The following DIP2C variants were observed in gnomAD, a reference collection of about 807,000 sequenced individuals.
The protein encoded by DIP2C is disco-interacting protein 2 homolog C.
In DIP2C, 33 loss-of-function variants were observed where a neutral mutation model predicts 192.4. That is an observed-to-expected ratio of 0.17 (90% CI 0.13 to 0.23). The LOEUF (loss-of-function observed/expected upper bound fraction) is 0.23, where lower values mean the gene tolerates loss of function less well. DIP2C is among the 10% of genes least tolerant of loss of function. The probability of loss-of-function intolerance (pLI) is 1.00; values close to 1 mark genes in which losing one functional copy is unlikely to be tolerated. For synonymous variants in DIP2C, 979 were observed against 864.1 expected (o/e 1.13, Z -2.33); for missense variants, 1,537 against 2,110.1 (o/e 0.73, Z 5.32).
chr10:340,904 C>T (rs1958113628), intron 29 of DIP2C: 1 of 500,280 alleles, frequency 2.0e-6, no homozygotes. Context: ...GTTTTACAGG[C>T]ATAAGAACCA....
chr10:559,322 T>TGGGGGCGGTGGGGAACGCCG (rs1165447111), intron 1 of DIP2C, among the ~76,000 whole-genome samples: 1 of 150,772 alleles, frequency 6.6e-6, no homozygotes, highest in Admixed American at 6.6e-5. Context: ...ATGGGGGCGG[T>TGGGGGCGGTGGGGAACGCCG]GGGGAACGCC....
chr10:506,369 C>G (rs1253043725), intron 1 of DIP2C, among the ~76,000 whole-genome samples: 1 of 152,102 alleles, frequency 6.6e-6, no homozygotes, highest in Non-Finnish European at 1.5e-5. Context: ...ACAGCAGCAG[C>G]AAGGGGGATC....
chr10:493,993 G>A (rs1289337367), intron 1 of DIP2C, among the ~76,000 whole-genome samples: 4 of 152,210 alleles, frequency 2.6e-5, no homozygotes, highest in Non-Finnish European at 5.9e-5. Context: ...CAGCCCTGCT[G>A]AAGGGGGAGG....
chr10:503,191 C>G (rs1845371086), intron 1 of DIP2C, among the ~76,000 whole-genome samples: 1 of 151,906 alleles, frequency 6.6e-6, no homozygotes, highest in Admixed American at 6.6e-5. Context: ...TGCAGACTTA[C>G]CACGATTCCA....
intron 1 of DIP2C, among the ~76,000 whole-genome samples, chr10:687,961 G>C (rs1831394370): frequency 6.6e-6 from 1 of 152,224 alleles, no homozygotes; most frequent in Non-Finnish European, 1.5e-5. Context: ...AGAAGCCCCT[G>C]TCCTGAGACA....
rs138460760 is a variant in DIP2C, at chr10:528,258, G to A, written c.86-41728C>T. On this transcript the variant is annotated intron_variant, in intron 1 of 36. Coordinates refer to ENST00000280886, the MANE Select transcript of DIP2C (RefSeq NM_014974.3). ...TTCACCAAGACATAAAAACAAAAAC[G>A]CAGTGGCACCGTCACGCACACCCAG... Among the ~76,000 whole-genome samples the A allele has an allele frequency of 3.8e-4, 58 of 152,016 alleles. No individual in the cohort carries two copies. In the East Asian group the frequency reaches 8.1e-3, roughly 21 times the overall value.
intron 1 of DIP2C, among the ~76,000 whole-genome samples, chr10:621,330 G>A (rs556015928): frequency 2.0e-5 from 3 of 151,368 alleles, no homozygotes; most frequent in East Asian, 1.9e-4. Context: ...CCCCCAAGGT[G>A]TGCACACATG....
chr10:545,872 G>T (rs1404594568), intron 1 of DIP2C, among the ~76,000 whole-genome samples: 1 of 152,216 alleles, frequency 6.6e-6, no homozygotes, highest in African/African-American at 2.4e-5. Flanking sequence ...TCCATCAACA[G>T]ATTAGAAGGT....
chr10:518,052 C>T (rs904283999), intron 1 of DIP2C, among the ~76,000 whole-genome samples: 8 of 152,254 alleles, frequency 5.3e-5, no homozygotes, highest in Non-Finnish European at 7.3e-5. Flanking sequence ...GGGAACATCA[C>T]ATGGAAAGCA....
At chr10:324,860 C>A (rs148719996) in intron 31 of DIP2C, 3 of 500,490 alleles carry the variant, frequency 6.0e-6, no homozygotes, top group South Asian at 3.0e-5. Flanking sequence ...CAACTCTGTT[C>A]TTCATTCTGT....
chr10:297,820 C>G (rs1955832299), intron 32 of DIP2C, among the ~76,000 whole-genome samples: 1 of 152,112 alleles, frequency 6.6e-6, no homozygotes, highest in Non-Finnish European at 1.5e-5. Context: ...CAAACATTCC[C>G]AAAGAAATGA....
At chr10:472,105 T>C (rs1798329099) in intron 3 of DIP2C, among the ~76,000 whole-genome samples, 1 of 152,094 alleles carries the variant, frequency 6.6e-6, no homozygotes, top group Non-Finnish European at 1.5e-5. Context: ...AAATCACTGA[T>C]GGTAAGAAAA....
At chr10:686,919 G>T (rs1331852144) in intron 1 of DIP2C, among the ~76,000 whole-genome samples, 8 of 152,242 alleles carry the variant, frequency 5.3e-5, no homozygotes, top group Non-Finnish European at 7.3e-5. Context: ...AGGAACCTCA[G>T]GGGAATGCTC....
At chr10:433,548 A>G (rs1426458225) in intron 4 of DIP2C, among the ~76,000 whole-genome samples, 3 of 152,122 alleles carry the variant, frequency 2.0e-5, no homozygotes, top group African/African-American at 7.2e-5. Flanking sequence ...AGGCATGATG[A>G]CAAATGCCTG....
chr10:575,021 G>A (rs554976677), intron 1 of DIP2C, among the ~76,000 whole-genome samples: 1 of 152,140 alleles, frequency 6.6e-6, no homozygotes, highest in Non-Finnish European at 1.5e-5. Flanking sequence ...AGGCCTAGGA[G>A]ATGCCAGGCG....
At chr10:579,074 CAT>C (rs1339120663) in intron 1 of DIP2C, among the ~76,000 whole-genome samples, 2 of 152,142 alleles carry the variant, frequency 1.3e-5, no homozygotes, top group African/African-American at 2.4e-5. Context: ...TGTGTATGTG[CAT>C]AGAGCATACA....
intron 1 of DIP2C, among the ~76,000 whole-genome samples, chr10:528,124 C>T (rs1240336266): frequency 6.6e-6 from 1 of 152,178 alleles, no homozygotes; most frequent in African/African-American, 2.4e-5. Context: ...GAACATCCCC[C>T]CTGAAGGGTT....
At chr10:578,816 TAG>T (rs778233912) in intron 1 of DIP2C, among the ~76,000 whole-genome samples, 7 of 151,330 alleles carry the variant, frequency 4.6e-5, no homozygotes, top group Non-Finnish European at 8.8e-5. Context: ...TGTGCATGCA[TAG>T]AGAGCACACA....
At chr10:514,539 A>G (rs1307140489) in intron 1 of DIP2C, among the ~76,000 whole-genome samples, 2 of 152,184 alleles carry the variant, frequency 1.3e-5, no homozygotes, top group Non-Finnish European at 2.9e-5. Flanking sequence ...GCCTCACCGC[A>G]TGGCCGTCCG....
Sources: gnomAD v4.1 joint callset for allele counts (sites outside exome capture counted in the v4.1 genomes callset) on GRCh38, gnomAD v4.1.1 for gene constraint, MANE v1.5 for transcripts, NCBI Gene and HGNC (gene_info 2026-07-23, HGNC 2026-07-21) for gene names.